ATP1A1: variants seen among roughly 807,000 people sequenced by gnomAD.
The protein encoded by ATP1A1 is sodium/potassium-transporting ATPase subunit alpha-1.
Under a neutral mutation model 114.8 loss-of-function variants are expected in ATP1A1, and 14 were observed. That is an observed-to-expected ratio of 0.12 (90% CI 0.08 to 0.19). The LOEUF (loss-of-function observed/expected upper bound fraction) is 0.19. Ranked by LOEUF, ATP1A1 falls within the 10% of genes least tolerant of loss-of-function variation. The pLI is 1.00. For missense variants in ATP1A1, 524 were observed against 1,290.7 expected (o/e 0.41, Z 9.10); for synonymous variants, 471 against 466.3 (o/e 1.01, Z -0.13).
In ATP1A1 at chr1:116,393,487, C is replaced by G. The variant is rs760952426; in HGVS notation, c.1468-44C>G. The G allele has an allele frequency of 1.3e-6, 2 of 1,566,590 alleles. No individual in the cohort carries two copies. Among genetic ancestry groups the G allele is most frequent in the Non-Finnish European group, 1.7e-6 (2 of 1,150,778 alleles). ...CTTTGTTTTCCACCATGGACTGCCACACATCCAACCATCCAATGTTTATGT... is the reference window on the plus strand; with the variant it reads ...CTTTGTTTTCCACCATGGACTGCCAGACATCCAACCATCCAATGTTTATGT... On this transcript the variant is annotated intron_variant, in intron 11 of 22. Transcript: ENST00000295598. The surrounding 1 kb of genome is among the most constrained non-coding windows in gnomAD (Gnocchi z 5.0).
At chr1:116,386,949 T>C (rs943360287) in intron 3 of ATP1A1, among the ~76,000 whole-genome samples, 1 of 152,102 alleles carries the variant, frequency 6.6e-6, no homozygotes, top group East Asian at 1.9e-4. Flanking sequence ...TTTGTGAAAA[T>C]AGATACCTTT....
intron 1 of ATP1A1, among the ~76,000 whole-genome samples, chr1:116,378,010 G>A (rs140616292): frequency 2.0e-5 from 3 of 152,364 alleles, no homozygotes; most frequent in Non-Finnish European, 4.4e-5. Context: ...GCTATGAATT[G>A]AGTGTATGAG....
At chr1:116,383,116 C>G (rs1187157940) in intron 1 of ATP1A1, among the ~76,000 whole-genome samples, 1 of 152,096 alleles carries the variant, frequency 6.6e-6, no homozygotes, top group Non-Finnish European at 1.5e-5. Context: ...AAAAATTGTT[C>G]CAGTTTTCAA....
At position 116,399,168 on chromosome 1, in the gene ATP1A1, T is replaced by C; in HGVS notation, c.2448+84T>C. ...ACTGGCACTATGCTCCCAGCATCCATGAGGCTGGCGTTGGGAAAAGAAATT... is the reference window on the plus strand; with the variant it reads ...ACTGGCACTATGCTCCCAGCATCCACGAGGCTGGCGTTGGGAAAAGAAATT... On this transcript the variant is annotated intron_variant, in intron 17 of 22. Transcript: ENST00000295598. This position sits in a 1 kb window ranked among gnomAD's most constrained non-coding sequence, Gnocchi z 5.0. 4.4e-6 allele frequency: 7 copies of C among 1,579,820 alleles called. No individual in the cohort carries two copies. Among genetic ancestry groups the C allele is most frequent in the Non-Finnish European group, 6.1e-6 (7 of 1,154,246 alleles).
chr1:116,393,632 C>T lies in ATP1A1; in HGVS notation c.1569C>T (p.Leu523=). Residue 523 remains leucine, a synonymous_variant, in exon 12 of 23, where the codon CTC becomes CTT. Transcript: ENST00000295598. The surrounding 1 kb of genome is among the most constrained non-coding windows in gnomAD (Gnocchi z 5.0). ...RILDRCSSIL[L]HGKEQPLDEE... is the part of the protein sequence containing the mutation. ...TAGACCGTTGCAGCTCTATCCTCCT[C>T]CACGGCAAGGAGCAGCCCCTGGATG... 1 of 1,614,194 alleles carries T rather than the reference C, an allele frequency of 6.2e-7. No individual in the cohort carries two copies. Among genetic ancestry groups the T allele is most frequent in the Middle Eastern group, 1.7e-4 (1 of 6,058 alleles).
chr1:116,396,812 T>TAG, intron 14 of ATP1A1, 78 bp downstream of exon 14: 1 of 1,462,778 alleles, frequency 6.8e-7, no homozygotes, highest in East Asian at 2.5e-5. Flanking sequence ...CGTGGTTCTA[T>TAG]AATGGTTTGC....
At chr1:116,383,767 C>T (rs1413570474) in intron 1 of ATP1A1, among the ~76,000 whole-genome samples, 2 of 152,136 alleles carry the variant, frequency 1.3e-5, no homozygotes, top group Non-Finnish European at 2.9e-5. Context: ...TGAAGCCTAC[C>T]GGTAGCTTCA....
At chr1:116,375,868 C>G (rs185576928) in intron 1 of ATP1A1, among the ~76,000 whole-genome samples, 3 of 152,282 alleles carry the variant, frequency 2.0e-5, no homozygotes, top group African/African-American at 7.2e-5. Context: ...TCCTCAGTAC[C>G]CTTTGTGGCC....
At chr1:116,383,084 C>T (rs1376107332) in intron 1 of ATP1A1, among the ~76,000 whole-genome samples, 1 of 152,120 alleles carries the variant, frequency 6.6e-6, no homozygotes, top group Non-Finnish European at 1.5e-5. Context: ...TAAATTTAAA[C>T]TATAGAATCA....
In ATP1A1 at chr1:116,387,732, T is replaced by C. The variant is rs1446206567; in HGVS notation, c.387+241T>C. 6.6e-6 allele frequency among the ~76,000 whole-genome samples: 1 copy of C among 152,270 alleles called. No individual in the cohort carries two copies. Among genetic ancestry groups the C allele is most frequent in the African/African-American group, 2.4e-5 (1 of 41,478 alleles). On this transcript the variant is annotated intron_variant, in intron 4 of 22. Transcript: ENST00000295598. The surrounding 1 kb of genome is among the most constrained non-coding windows in gnomAD (Gnocchi z 6.7). ...GGATGCCCACCTGCATGTGCTGCTG[T>C]GAGCAGGCAGCTCTGCTCAGGCCCC... is the stretch of plus-strand genomic sequence containing the variant.
chr1:116,392,681 G>C, intron 10 of ATP1A1, 173 bp from the exon 11 acceptor site: 1 of 678,136 alleles, frequency 1.5e-6, no homozygotes, highest in South Asian at 2.2e-5. Flanking sequence ...GTGAACAGCA[G>C]TGGTCGGGGC....
rs367957404 is a variant in ATP1A1, at chr1:116,393,590, C to A, written c.1527C>A (p.Gly509=). The change falls in exon 12 of 23, where the codon GGC becomes GGA. Residue 509 remains glycine (G), a synonymous_variant. Coordinates refer to ENST00000295598, the MANE Select transcript of ATP1A1 (RefSeq NM_000701.8). The surrounding 1 kb of genome is among the most constrained non-coding windows in gnomAD (Gnocchi z 5.0). ...SEPQHLLVMK[G]APERILDRCS... Reference sequence around the variant, plus strand: ...CCCAACACCTGTTGGTGATGAAGGGCGCCCCAGAAAGGATCCTAGACCGTT... The same window carrying A: ...CCCAACACCTGTTGGTGATGAAGGGAGCCCCAGAAAGGATCCTAGACCGTT... The A allele has an allele frequency of 1.2e-6, 2 of 1,614,014 alleles. No homozygotes were observed. The highest frequency in any genetic ancestry group is 1.7e-6 in the Non-Finnish European group (2 of 1,179,994).
At position 116,401,807 on chromosome 1, in the gene ATP1A1, CAGTAAATCAG is replaced by C. The variant is rs990269865; in HGVS notation, c.2951+154_2951+163del. 2.9e-6 allele frequency: 2 copies of C among 696,962 alleles called. No homozygotes were observed. The highest frequency in any genetic ancestry group is 3.6e-5 in the African/African-American group (2 of 55,904). The allele number at this position is 696,962 out of a possible 1,614,324, so 43.2% of individuals were successfully genotyped here. On this transcript the variant is annotated intron_variant, in intron 21 of 22. Coordinates refer to ENST00000295598, the MANE Select transcript of ATP1A1 (RefSeq NM_000701.8). This position sits in a 1 kb window ranked among gnomAD's most constrained non-coding sequence, Gnocchi z 4.7. ...GGAAAACTGTGAAAGCTTGACATGT[CAGTAAATCAG>C]ACTAACAAATCCTGAGGCTTCCATG...
chr1:116,400,694 C>T (rs1042537830), intron 18 of ATP1A1, among the ~76,000 whole-genome samples, 167 bp from the exon 19 acceptor site: 5 of 152,090 alleles, frequency 3.3e-5, no homozygotes, highest in African/African-American at 1.2e-4. Context: ...CCATCCCATC[C>T]CTCATAGCCT....
chr1:116,373,476 G>A lies in ATP1A1; in HGVS notation c.-36G>A. ...GTGCTTTTCTCTCTGATTCTCCAGC[G>A]ACAGGACCCGGCGCCGGGCACTGAG... On this transcript the variant is annotated 5_prime_UTR_variant, in exon 1 of 23. Coordinates refer to ENST00000295598, the MANE Select transcript of ATP1A1 (RefSeq NM_000701.8). 1 of 1,511,660 alleles carries A rather than the reference G, an allele frequency of 6.6e-7. No individual in the cohort carries two copies. The allele number at this position is 1,511,660 out of a possible 1,614,324, so 93.6% of individuals were successfully genotyped here.
At chr1:116,386,587 GATC>G (rs1652112288) in intron 3 of ATP1A1, among the ~76,000 whole-genome samples, 1 of 152,008 alleles carries the variant, frequency 6.6e-6, no homozygotes. Context: ...GTATAAAAGT[GATC>G]ATATTTTCCT....
chr1:116,403,829 CTTTA>C, intron 21 of ATP1A1, 51 bp from the exon 22 acceptor site: 2 of 1,461,480 alleles, frequency 1.4e-6, no homozygotes, highest in Non-Finnish European at 1.9e-6. Context: ...ATTTCTCTTT[CTTTA>C]TTTGAACTGT....
Position 116,401,043 on chromosome 1 carries a change from T to C in ATP1A1, c.2718+37T>C. The C allele has an allele frequency of 6.2e-7, 1 of 1,613,040 alleles. No individual in the cohort carries two copies. The highest frequency in any genetic ancestry group is 8.5e-7 in the Non-Finnish European group (1 of 1,179,062). On this transcript the variant is annotated intron_variant, in intron 19 of 22. Coordinates refer to ENST00000295598, the MANE Select transcript of ATP1A1 (RefSeq NM_000701.8). The surrounding 1 kb of genome is among the most constrained non-coding windows in gnomAD (Gnocchi z 4.7). ...CCTCTGACCTGACCAGTGTCAGAGCTCCTCAAGCCCCAGAAGACTGAGGCC... is the reference window on the plus strand; with the variant it reads ...CCTCTGACCTGACCAGTGTCAGAGCCCCTCAAGCCCCAGAAGACTGAGGCC...
Position 116,404,511 on chromosome 1 carries a change from G to A in ATP1A1, c.*67G>A, listed in dbSNP as rs1653812248. On this transcript the variant is annotated 3_prime_UTR_variant, in exon 23 of 23. Coordinates refer to ENST00000295598, the MANE Select transcript of ATP1A1 (RefSeq NM_000701.8). The surrounding 1 kb of genome is among the most constrained non-coding windows in gnomAD (Gnocchi z 4.8). ...TGCATCCGACACCCACCCCCTCTTT[G>A]TGTACTTCAGTCTTGGAGTTTGGAA... 1 of 1,555,448 alleles carries A rather than the reference G, an allele frequency of 6.4e-7. No homozygotes were observed. The highest frequency in any genetic ancestry group is 8.6e-7 in the Non-Finnish European group (1 of 1,157,420).
Sources: allele counts gnomAD v4.1 joint callset (sites outside exome capture counted in the v4.1 genomes callset), GRCh38; gene constraint gnomAD v4.1.1; non-coding constraint Gnocchi (gnomAD v3.1); transcripts MANE v1.5; gene names NCBI Gene and HGNC (gene_info 2026-07-23, HGNC 2026-07-21).